The following ATAD3B variants were observed in gnomAD, a reference collection of about 807,000 sequenced individuals.
ATAD3B encodes ATPase family AAA domain containing 3B.
A neutral mutation model predicts 70.2 loss-of-function variants in ATAD3B; 59 were observed. The ratio of observed to expected loss-of-function variants is 0.84; its 90% CI spans 0.68 to 1.04. The LOEUF is 1.04. Ranked by LOEUF, ATAD3B falls within the 50% of genes least tolerant of loss-of-function variation. The pLI is 0.00. For synonymous variants in ATAD3B, 423 were observed against 388.6 expected, an observed-to-expected ratio of 1.09 and a Z score of -1.04; for missense variants, 961 against 913.4, an observed-to-expected ratio of 1.05 and a Z score of -0.67.
chr1:1,495,560 C>T lies in ATAD3B; in HGVS notation c.1690C>T (p.Gln564Ter), dbSNP rs375305119. Residue 564 changes from glutamine to a stop codon, truncating the protein, a stop_gained, in exon 16 of 16, where the codon CAG becomes TAG. Transcript: ENST00000673477. LOFTEE classifies it low-confidence loss of function (END_TRUNC). ...CGCCTGTGTGCAAGATGCTGTCCAG[C>T]AGTACCGACAGAAGATGCGCTGGCT... ...MDACVQDAVQ[Q>*]YRQKMRWLKA... The T allele has an allele frequency of 2.8e-5, 45 of 1,613,090 alleles. 3 individuals carry two copies. Among genetic ancestry groups the T allele is most frequent in the Non-Finnish European group, 3.4e-5 (40 of 1,179,472 alleles).
Position 1,496,030 on chromosome 1 carries a change from G to A in ATAD3B, c.*213G>A, listed in dbSNP as rs1275094330. 3.0e-6 allele frequency: 4 copies of A among 1,336,394 alleles called. 1 individual carries two copies. The highest frequency in any genetic ancestry group is 2.2e-5 in the South Asian group (1 of 45,498). 82.8% of individuals were successfully genotyped at this position (1,336,394 alleles called of 1,614,324 possible). A position where few individuals can be genotyped will look rare whatever the true frequency, so the allele number is the denominator to read the frequency against. On this transcript the variant is annotated 3_prime_UTR_variant, in exon 16 of 16. Coordinates refer to ENST00000673477, the MANE Select transcript of ATAD3B (RefSeq NM_031921.6). ...GGCTCCCACAGCAGAGCCAGGTGAGGGGGGGCCTGCCAGGACTAGACAGAA... is the reference window on the plus strand; with the variant it reads ...GGCTCCCACAGCAGAGCCAGGTGAGAGGGGGCCTGCCAGGACTAGACAGAA...
In ATAD3B at chr1:1,485,776, C is replaced by T. The variant is rs370530558; in HGVS notation, c.907-6C>T. 76 of 1,612,740 alleles carry T rather than the reference C, an allele frequency of 4.7e-5. 2 individuals carry two copies. Among genetic ancestry groups the T allele is most frequent in the Middle Eastern group, 1.7e-4 (1 of 5,982 alleles). The stretch of plus-strand genomic sequence containing the variant: ...CCCAATGGTGCTTCCCCTTCCCCTC[C>T]GGCAGGTCAGCCGGCGGCTCCTCAG... On this transcript the variant is annotated splice_polypyrimidine_tract_variant and splice_region_variant and intron_variant, in intron 8 of 15. Coordinates refer to ENST00000673477, the MANE Select transcript of ATAD3B (RefSeq NM_031921.6).
At chr1:1,491,839 G>T (rs1640555642) in intron 15 of ATAD3B, among the ~76,000 whole-genome samples, 1 of 151,908 alleles carries the variant, frequency 6.6e-6, no homozygotes, top group African/African-American at 2.4e-5. Flanking sequence ...GGTCAGCTGA[G>T]GTCTCTGTTC....
chr1:1,503,948 A>AT, the ATAD3B span, among the ~76,000 whole-genome samples: 3 of 151,464 alleles, frequency 2.0e-5, no homozygotes, highest in Non-Finnish European at 2.9e-5. Flanking sequence ...ACTCAGCAGA[A>AT]TTTTTTTTGC....
At position 1,485,995 on chromosome 1, in the gene ATAD3B, G is replaced by A. The variant is rs1277139248; in HGVS notation, c.964-115G>A. The A allele has an allele frequency of 3.8e-6, 6 of 1,589,538 alleles. No homozygotes were observed. In the South Asian group the frequency reaches 4.5e-5, roughly 12 times the overall value. On this transcript the variant is annotated intron_variant, in intron 9 of 15. Transcript: ENST00000673477. ...TGCCGGGGATAGATAGGCTGCCCAC[G>A]AGCTGGGCGGCTTCCTGAGGAGCAG...
chr1:1,494,354 C>T (rs1489694320), intron 15 of ATAD3B, among the ~76,000 whole-genome samples: 1 of 151,950 alleles, frequency 6.6e-6, no homozygotes, highest in Non-Finnish European at 1.5e-5. Context: ...GGTCCCTGCA[C>T]CTGTTTGCCC....
the ATAD3B span, among the ~76,000 whole-genome samples, chr1:1,504,244 C>A: frequency 6.6e-6 from 1 of 151,950 alleles, no homozygotes; most frequent in South Asian, 2.1e-4. Flanking sequence ...CCTCGGCCTC[C>A]CAAAATGTTG....
chr1:1,482,708 A>C, intron 7 of ATAD3B, 94 bp downstream of exon 7: 3 of 1,585,934 alleles, frequency 1.9e-6, no homozygotes, highest in Non-Finnish European at 2.6e-6. Context: ...CCGGCTCTGC[A>C]CAGCCCTGTA....
chr1:1,506,704 T>C, the ATAD3B span, among the ~76,000 whole-genome samples: 1 of 152,148 alleles, frequency 6.6e-6, no homozygotes, highest in African/African-American at 2.4e-5. Flanking sequence ...TGCAGCTGTT[T>C]CTGCTGTTGA....
intron 15 of ATAD3B, among the ~76,000 whole-genome samples, chr1:1,491,407 T>G (rs781586253): frequency 1.3e-5 from 2 of 152,030 alleles, no homozygotes; most frequent in Non-Finnish European, 2.9e-5. Flanking sequence ...GGTGCATGCC[T>G]GTTATCCCAG....
At chr1:1,503,572 C>T in the ATAD3B span, 1 of 1,607,566 alleles carries the variant, frequency 6.2e-7, no homozygotes, top group South Asian at 1.1e-5. Flanking sequence ...CTCTGTGCCC[C>T]TGTGCCTGCA....
At chr1:1,507,829 G>C in the ATAD3B span, among the ~76,000 whole-genome samples, 1,367 of 152,330 alleles carry the variant, frequency 9.0e-3, 13 homozygotes, top group South Asian at 0.014. Flanking sequence ...TTACAGCTTG[G>C]AGATTTTAGG....
At chr1:1,481,091 C>T (rs1474291433) in intron 5 of ATAD3B, among the ~76,000 whole-genome samples, 155 bp downstream of exon 5, 2 of 141,748 alleles carry the variant, frequency 1.4e-5, no homozygotes, top group Non-Finnish European at 3.0e-5. Flanking sequence ...GGCTCCCTCT[C>T]GGAAGACACC....
At chr1:1,476,197 G>A (rs1031635450) in intron 1 of ATAD3B, among the ~76,000 whole-genome samples, 4 of 147,976 alleles carry the variant, frequency 2.7e-5, no homozygotes, top group Non-Finnish European at 5.9e-5. Flanking sequence ...CCTGAAATGT[G>A]ACGCTGATGC....
intron 5 of ATAD3B, 129 bp from the exon 6 acceptor site, chr1:1,482,009 A>T: frequency 1.4e-6 from 2 of 1,408,754 alleles, no homozygotes; most frequent in Non-Finnish European, 1.9e-6. Context: ...GGTCCGTGGC[A>T]TGGGCCTGTC....
At chr1:1,501,280 A>T (rs1336635768), downstream of ATAD3B, among the ~76,000 whole-genome samples, 2 of 142,788 alleles carry the variant, frequency 1.4e-5, no homozygotes, top group Non-Finnish European at 3.0e-5. Flanking sequence ...TTTGAGACGG[A>T]GTCTCGCTCT....
rs898430380 is a variant in ATAD3B, at chr1:1,497,568, A to G, written c.*1751A>G. ...AACCAGCAATCAATACTTTGTATTT[A>G]AAATTAAGCCAGGTTAGACTGGGCT... On this transcript the variant is annotated 3_prime_UTR_variant, in exon 16 of 16. Transcript: ENST00000673477. 4.0e-5 allele frequency: 6 copies of G among 151,472 alleles called. No individual in the cohort carries two copies. Among genetic ancestry groups the G allele is most frequent in the African/African-American group, 1.5e-4 (6 of 41,066 alleles). The allele number at this position is 151,472 out of a possible 1,614,324, so 9.4% of individuals were successfully genotyped here.
In ATAD3B at chr1:1,478,745, C is replaced by A; in HGVS notation, c.384C>A (p.Ala128=). The A allele has an allele frequency of 2.6e-6, 4 of 1,518,486 alleles. No individual in the cohort carries two copies. The highest frequency in any genetic ancestry group is 3.5e-6 in the Non-Finnish European group (4 of 1,129,132). 94.1% of individuals were successfully genotyped at this position (1,518,486 alleles called of 1,614,324 possible). A position where few individuals can be genotyped will look rare whatever the true frequency, so the allele number is the denominator to read the frequency against. ...TLSEETRQHQ[A]RAQYQDKLAR... ...GCGAGGAGACCCGGCAGCACCAGGCCGTAAGAGCGCAAGAGGCCGCGAGGG... is the reference window on the plus strand; with the variant it reads ...GCGAGGAGACCCGGCAGCACCAGGCAGTAAGAGCGCAAGAGGCCGCGAGGG... The change falls in exon 3 of 16, where the codon GCC becomes GCA. Residue 128 remains alanine, a splice_region_variant and synonymous_variant. Transcript: ENST00000673477.
Position 1,480,392 on chromosome 1 carries a change from G to A in ATAD3B, c.445-475G>A, listed in dbSNP as rs1349136497. Among the ~76,000 whole-genome samples, 2 of 146,478 alleles carry A rather than the reference G, an allele frequency of 1.4e-5. 1 individual carries two copies. Among genetic ancestry groups the A allele is most frequent in the Non-Finnish European group, 3.0e-5 (2 of 66,936 alleles). ...CTGGGAGGTTCTGCTTGGGAGGGCT[G>A]GTCAGTGGCGGCGGGCGGGTCTCTG... On this transcript the variant is annotated intron_variant, in intron 4 of 15. Transcript: ENST00000673477.
Sources: allele counts gnomAD v4.1 joint callset (sites outside exome capture counted in the v4.1 genomes callset), GRCh38; gene constraint gnomAD v4.1.1; transcripts MANE v1.5; gene names NCBI Gene and HGNC (gene_info 2026-07-23, HGNC 2026-07-21).